The following HRNR variants were observed in gnomAD, a reference collection of about 807,000 sequenced individuals.
HRNR encodes hornerin, also known as filaggrin family member 3.
HRNR carries 7 observed loss-of-function variants against 4.8 expected under a neutral mutation model. The observed-to-expected ratio is 1.47, with a 90% CI of 0.83 to 2.75. HRNR has a LOEUF of 2.75. Ranked by LOEUF, HRNR falls within the 30% of genes most tolerant of loss-of-function variation. The pLI is 0.00. For missense variants in HRNR, 2,879 were observed against 3,010.4 expected, an observed-to-expected ratio of 0.96 and a Z score of 1.02; for synonymous variants, 1,023 against 1,242.7, an observed-to-expected ratio of 0.82 and a Z score of 3.72.
Position 152,218,684 on chromosome 1 carries a change from C to T in HRNR, c.2945G>A (p.Ser982Asn), listed in dbSNP as rs768089839. 2 of 1,613,904 alleles carry T rather than the reference C, an allele frequency of 1.2e-6. No individual in the cohort carries two copies. The highest frequency in any genetic ancestry group is 1.7e-6 in the Non-Finnish European group (2 of 1,180,016). Residue 982 changes from serine to asparagine, a missense_variant, in exon 3 of 3, where the codon AGC becomes AAC. Coordinates refer to ENST00000368801, the MANE Select transcript of HRNR (RefSeq NM_001009931.3). ...QHGSSSGSSS[S>N]YGQHGSGSRQ... ...GGAGCCAGACCCATGCTGACCATAG[C>T]TGGAAGACGAACCTGAGCTAGATCC...
chr1:152,219,520 G>C lies in HRNR; in HGVS notation c.2109C>G (p.His703Gln). ...CAGAGGACTGCCCTGAGCCAGACTT[G>C]TGACCAAAGCCGGAAGACTGGCCTG... The part of the protein sequence containing the change: ...SVSGQSSGFG[H>Q]KSGSGQSSGY... The change falls in exon 3 of 3, where the codon CAC becomes CAG. Residue 703 changes from histidine (H) to glutamine (Q), a missense_variant. Physicochemically the swap from His to Gln is conservative, Grantham distance 24. Coordinates refer to ENST00000368801, the MANE Select transcript of HRNR (RefSeq NM_001009931.3). The C allele has an allele frequency of 1.2e-6, 2 of 1,613,290 alleles. No individual in the cohort carries two copies. Among genetic ancestry groups the C allele is most frequent in the Non-Finnish European group, 8.5e-7 (1 of 1,179,876 alleles).
In HRNR at chr1:152,213,193, A is replaced by G; in HGVS notation, c.8436T>C (p.Tyr2812=). 1.2e-6 allele frequency: 2 copies of G among 1,614,164 alleles called. No homozygotes were observed. The highest frequency in any genetic ancestry group is 1.7e-6 in the Non-Finnish European group (2 of 1,180,056). ...CATCATGGTTACTTCCTCCTTTGCAATAAGAATACCCATCTTGCCCTGAGC... is the reference window on the plus strand; with the variant it reads ...CATCATGGTTACTTCCTCCTTTGCAGTAAGAATACCCATCTTGCCCTGAGC... The part of the protein sequence containing the change: ...GSGSGQDGYS[Y]CKGGSNHDGG... The change falls in exon 3 of 3, where the codon TAT becomes TAC. Residue 2812 remains tyrosine, a synonymous_variant. Transcript: ENST00000368801.
In HRNR at chr1:152,219,043, A is replaced by C. The variant is rs375566480; in HGVS notation, c.2586T>G (p.Gly862=). The change falls in exon 3 of 3, where the codon GGT becomes GGG. Residue 862 remains glycine (G), a synonymous_variant. Transcript: ENST00000368801. The stretch of plus-strand genomic sequence containing the variant: ...CATGCTGACCATAGCTGGAAGATTG[A>C]CCTGAGCTAGAGTCATGTTGGCCGG... The part of the protein sequence containing the change: ...SSSGQHDSSS[G]QSSSYGQHES... 6.2e-7 allele frequency: 1 copy of C among 1,613,680 alleles called. No individual in the cohort carries two copies. Among genetic ancestry groups the C allele is most frequent in the South Asian group, 1.1e-5 (1 of 91,062 alleles).
intron 1 of HRNR, among the ~76,000 whole-genome samples, chr1:152,223,631 G>A (rs776517390): frequency 6.6e-6 from 1 of 152,144 alleles, no homozygotes; most frequent in African/African-American, 2.4e-5. Flanking sequence ...TTCTAGGTTC[G>A]AAGCATACTG....
rs1484991841 is a variant in HRNR, at chr1:152,212,672, A to C, written c.*404T>G. 2 of 231,488 alleles carry C rather than the reference A, an allele frequency of 8.6e-6. No homozygotes were observed. The highest frequency in any genetic ancestry group is 1.7e-5 in the Non-Finnish European group (2 of 119,414). 14.3% of individuals were successfully genotyped at this position (231,488 alleles called of 1,614,324 possible). A position where few individuals can be genotyped will look rare whatever the true frequency, so the allele number is the denominator to read the frequency against. On this transcript the variant is annotated 3_prime_UTR_variant, in exon 3 of 3. Transcript: ENST00000368801. Reference sequence around the variant, plus strand: ...TAATTGCTGTAAAACAAAGCTTTGTATCTAGGACTGGTAATGCATTTGTAA... The same window carrying C: ...TAATTGCTGTAAAACAAAGCTTTGTCTCTAGGACTGGTAATGCATTTGTAA...
rs1362048685 is a variant in HRNR, at chr1:152,219,387, A to C, written c.2242T>G (p.Leu748Val). ...CCATGCTGACCATAGCTGGAAGACA[A>C]ACCTGAGCTAGATCCGTGTTGTTCA... ...RSEQHGSSSG[L>V]SSSYGQHGSG... is the part of the protein sequence containing the mutation. The change falls in exon 3 of 3, where the codon TTG (leucine) becomes GTG (valine). Residue 748 changes from leucine (L) to valine (V), a missense_variant. Coordinates refer to ENST00000368801, the MANE Select transcript of HRNR (RefSeq NM_001009931.3). The C allele has an allele frequency of 1.9e-6, 3 of 1,613,502 alleles. No individual in the cohort carries two copies. Among genetic ancestry groups the C allele is most frequent in the Non-Finnish European group, 2.5e-6 (3 of 1,179,886 alleles).
chr1:152,213,101 T>C lies in HRNR; in HGVS notation c.8528A>G (p.Glu2843Gly), dbSNP rs1648447304. 2.5e-6 allele frequency: 4 copies of C among 1,613,644 alleles called. No individual in the cohort carries two copies. Among genetic ancestry groups the C allele is most frequent in the East Asian group, 2.2e-5 (1 of 44,888 alleles). Residue 2843 changes from glutamate (E) to glycine (G), a missense_variant, in exon 3 of 3, where the codon GAG becomes GGG. Physicochemically the swap from Glu to Gly is moderately conservative, Grantham distance 98. Around this residue, in one of 8 missense-constraint regions of HRNR, gnomAD observed 158 missense variants for 107.6 expected, o/e 1.47. Transcript: ENST00000368801. ...SSTSPYEYVQ[E>G]QRCYFYQ ...TCACTGATAAAAGTAGCACCTCTGC[T>C]CTTGGACATATTCATAGGGTGAAGT...
rs1441444571 is a variant in HRNR at position 152,221,436 on chromosome 1, G to T, written c.193C>A (p.His65Asn). The change falls in exon 3 of 3, where the codon CAT becomes AAT. Residue 65 changes from histidine to asparagine, a missense_variant. Physicochemically the swap from His to Asn is moderately conservative, Grantham distance 68. Coordinates refer to ENST00000368801, the MANE Select transcript of HRNR (RefSeq NM_001009931.3). Reference protein sequence around the residue: ...DIILQSLDRDHNKKVDFTEYL... With the variant: ...DIILQSLDRDNNKKVDFTEYL... ...TCAGTAAAATCCACTTTCTTGTTATGGTCTCGATCCAGACTTTGCAAGATG... is the reference window on the plus strand; with the variant it reads ...TCAGTAAAATCCACTTTCTTGTTATTGTCTCGATCCAGACTTTGCAAGATG... 1 of 1,612,834 alleles carries T rather than the reference G, an allele frequency of 6.2e-7. No homozygotes were observed. The highest frequency in any genetic ancestry group is 8.5e-7 in the Non-Finnish European group (1 of 1,179,348).
rs778874336 is a variant in HRNR, at chr1:152,220,721, G to C, written c.908C>G (p.Ser303Cys). The change falls in exon 3 of 3, where the codon TCT becomes TGT. Residue 303 changes from serine to cysteine, a missense_variant. Ser to Cys is a moderately radical substitution (Grantham distance 112). This residue lies in a region of HRNR where 2,646 missense variants were observed against 1,377.7 expected (regional missense o/e 1.92). Transcript: ENST00000368801. Reference sequence around the variant, plus strand: ...TCGGACGTGGCTAGGAGACTGGCGAGATCCAGACCCTTGTCGGCCGTGGCC... The same window carrying C: ...TCGGACGTGGCTAGGAGACTGGCGACATCCAGACCCTTGTCGGCCGTGGCC... ...SLGHGRQGSGSRQSPSHVRHG... is the reference protein window; with the variant it reads ...SLGHGRQGSGCRQSPSHVRHG... 6 of 1,613,280 alleles carry C rather than the reference G, an allele frequency of 3.7e-6. No individual in the cohort carries two copies. Among genetic ancestry groups the C allele is most frequent in the Non-Finnish European group, 5.1e-6 (6 of 1,179,502 alleles).
In HRNR at chr1:152,219,848, G is replaced by A. The variant is rs754937077; in HGVS notation, c.1781C>T (p.Ser594Phe). The A allele has an allele frequency of 1.9e-6, 3 of 1,612,510 alleles. No individual in the cohort carries two copies. The highest frequency in any genetic ancestry group is 2.5e-6 in the Non-Finnish European group (3 of 1,178,984). ...AGATCCGTGTTGACCGTAGCCAGAG[G>A]ACTGTCCTGAGCGAGACTCTTGGTG... ...LGHQESRSGQSSGYGQHGSSS... is the reference protein window; with the variant it reads ...LGHQESRSGQFSGYGQHGSSS... The change falls in exon 3 of 3, where the codon TCC (serine) becomes TTC (phenylalanine). Residue 594 changes from serine to phenylalanine, a missense_variant. Around this residue, in one of 8 missense-constraint regions of HRNR, gnomAD observed 2,646 missense variants for 1,377.7 expected, o/e 1.92. Coordinates refer to ENST00000368801, the MANE Select transcript of HRNR (RefSeq NM_001009931.3).
Position 152,220,362 on chromosome 1 carries a change from A to T in HRNR, c.1267T>A (p.Ser423Thr). Reference protein sequence around the residue: ...RGQHSSGSGQSPGHGQRGSGS... With the variant: ...RGQHSSGSGQTPGHGQRGSGS... ...GACCCACGCTGGCCGTGGCCTGGAG[A>T]CTGGCCAGATCCAGAGCTGTGTTGG... is the stretch of plus-strand genomic sequence containing the variant. The change falls in exon 3 of 3, where the codon TCT (serine) becomes ACT (threonine). Residue 423 changes from serine to threonine, a missense_variant. Physicochemically the swap from Ser to Thr is moderately conservative, Grantham distance 58. This residue lies in a region of HRNR where 2,646 missense variants were observed against 1,377.7 expected (regional missense o/e 1.92). Transcript: ENST00000368801. The T allele has an allele frequency of 1.9e-6, 3 of 1,613,642 alleles. No homozygotes were observed. The highest frequency in any genetic ancestry group is 2.2e-5 in the South Asian group (2 of 91,060).
chr1:152,223,276 A>G lies in HRNR; in HGVS notation c.-23T>C. 6.2e-7 allele frequency: 1 copy of G among 1,604,136 alleles called. No individual in the cohort carries two copies. The highest frequency in any genetic ancestry group is 1.3e-5 in the African/African-American group (1 of 74,622). On this transcript the variant is annotated splice_region_variant and 5_prime_UTR_variant, in exon 2 of 3. Transcript: ENST00000368801. ...CATTTTTTTTTTTGCAAGTTTGAGT[A>G]ACCTAAAGGGAGGAAAAAGAGAGAC...
rs768941014 is a variant in HRNR at position 152,220,886 on chromosome 1, C to A, written c.743G>T (p.Gly248Val). 1 of 1,614,172 alleles carries A rather than the reference C, an allele frequency of 6.2e-7. No homozygotes were observed. Among genetic ancestry groups the A allele is most frequent in the East Asian group, 2.2e-5 (1 of 44,868 alleles). ...GCCAGAGGAGTGACCTGAGCCAGAT[C>A]CATGCTGACTGTAACCAGAGGACTG... The part of the protein sequence containing the change: ...SGQSSGYSQH[G>V]SGSGHSSGYG... The change falls in exon 3 of 3, where the codon GGA (glycine) becomes GTA (valine). Residue 248 changes from glycine (G) to valine (V), a missense_variant. This residue lies in a region of HRNR where 2,646 missense variants were observed against 1,377.7 expected (regional missense o/e 1.92). Coordinates refer to ENST00000368801, the MANE Select transcript of HRNR (RefSeq NM_001009931.3).
chr1:152,221,266 T>C lies in HRNR; in HGVS notation c.363A>G (p.Lys121=). The change falls in exon 3 of 3, where the codon AAA becomes AAG. Residue 121 remains lysine, a synonymous_variant. Coordinates refer to ENST00000368801, the MANE Select transcript of HRNR (RefSeq NM_001009931.3). ...EQEETEKEEN[K]RQESSFSHSS... Reference sequence around the variant, plus strand: ...AATGACTAAAAGAGGATTCTTGCCGTTTGTTCTCCTCTTTTTCAGTTTCTT... The same window carrying C: ...AATGACTAAAAGAGGATTCTTGCCGCTTGTTCTCCTCTTTTTCAGTTTCTT... 6.2e-7 allele frequency: 1 copy of C among 1,614,058 alleles called. No homozygotes were observed. Among genetic ancestry groups the C allele is most frequent in the South Asian group, 1.1e-5 (1 of 91,080 alleles).
In HRNR at chr1:152,219,717, G is replaced by T. The variant is rs1221501979; in HGVS notation, c.1912C>A (p.Gln638Lys). 1.2e-6 allele frequency: 2 copies of T among 1,613,448 alleles called. No homozygotes were observed. Among genetic ancestry groups the T allele is most frequent in the African/African-American group, 1.3e-5 (1 of 74,894 alleles). Reference protein sequence around the residue: ...ATSGQSSSHGQHGSGSSQSSR... With the variant: ...ATSGQSSSHGKHGSGSSQSSR... The stretch of plus-strand genomic sequence containing the variant: ...GACTGACTTGAGCCAGAGCCATGCT[G>T]ACCGTGGCTGGAAGACTGACCTGAG... The change falls in exon 3 of 3, where the codon CAG becomes AAG. Residue 638 changes from glutamine (Q) to lysine (K), a missense_variant. This residue lies in a region of HRNR where 2,646 missense variants were observed against 1,377.7 expected (regional missense o/e 1.92). Transcript: ENST00000368801.
In HRNR at chr1:152,220,007, G is replaced by C. The variant is rs1183438107; in HGVS notation, c.1622C>G (p.Pro541Arg). Residue 541 changes from proline to arginine, a missense_variant, in exon 3 of 3, where the codon CCT becomes CGT. This residue lies in a region of HRNR where 2,646 missense variants were observed against 1,377.7 expected (regional missense o/e 1.92). Coordinates refer to ENST00000368801, the MANE Select transcript of HRNR (RefSeq NM_001009931.3). ...SRHGSGSGQS[P>R]SPSRGRHESG... is the part of the protein sequence containing the mutation. ...CTCATGTCGGCCACGGCTAGGGCTA[G>C]GAGACTGGCCAGATCCAGACCCATG... 6.2e-7 allele frequency: 1 copy of C among 1,614,054 alleles called. No homozygotes were observed. The highest frequency in any genetic ancestry group is 1.3e-5 in the African/African-American group (1 of 74,990).
intron 1 of HRNR, 35 bp from the exon 2 acceptor site, chr1:152,223,313 T>C: frequency 7.6e-7 from 1 of 1,310,142 alleles, no homozygotes; most frequent in East Asian, 2.3e-5. Context: ...AACCCCTTAC[T>C]ATTCTTATTT....
In HRNR at chr1:152,218,899, C is replaced by T. The variant is rs764516678; in HGVS notation, c.2730G>A (p.Gly910=). 6 of 1,613,770 alleles carry T rather than the reference C, an allele frequency of 3.7e-6. No homozygotes were observed. Among genetic ancestry groups the T allele is most frequent in the South Asian group, 1.1e-5 (1 of 91,062 alleles). Residue 910 remains glycine (G), a synonymous_variant, in exon 3 of 3, where the codon GGG becomes GGA. Coordinates refer to ENST00000368801, the MANE Select transcript of HRNR (RefSeq NM_001009931.3). ...SGQSPSYGRH[G]SGSGRSSSSG... is the part of the protein sequence containing the mutation. ...TGCTGGAAGACCGACCGGAGCCAGA[C>T]CCATGTCGGCCATAGCTGGGAGACT... is the stretch of plus-strand genomic sequence containing the variant.
In HRNR at chr1:152,224,188, C is replaced by T. The variant is rs1349912450; in HGVS notation, c.-71G>A. The T allele has an allele frequency of 2.0e-5, 3 of 152,160 alleles. No individual in the cohort carries two copies. The highest frequency in any genetic ancestry group is 6.6e-5 in the Admixed American group (1 of 15,266). The allele number at this position is 152,160 out of a possible 1,614,324, so 9.4% of individuals were successfully genotyped here. A position where few individuals can be genotyped will look rare whatever the true frequency, so the allele number is the denominator to read the frequency against. Reference sequence around the variant, plus strand: ...GTAGGGTAGAGACAGAAACAGCTTTCAGGGTGCTGCGAGTTGGGCAGAGTG... The same window carrying T: ...GTAGGGTAGAGACAGAAACAGCTTTTAGGGTGCTGCGAGTTGGGCAGAGTG... On this transcript the variant is annotated 5_prime_UTR_variant, in exon 1 of 3. Coordinates refer to ENST00000368801, the MANE Select transcript of HRNR (RefSeq NM_001009931.3).
Sources: gnomAD v4.1 joint callset for allele counts (sites outside exome capture counted in the v4.1 genomes callset) on GRCh38, gnomAD v4.1.1 for gene constraint, gnomAD v4.1.1 regional missense constraint, MANE v1.5 for transcripts, NCBI Gene and HGNC (gene_info 2026-07-23, HGNC 2026-07-21) for gene names.